RHOBTB1: variants seen among roughly 807,000 people sequenced by gnomAD.
RHOBTB1 encodes the protein rho-related BTB domain-containing protein 1.
RHOBTB1 carries 40 observed loss-of-function variants against 71.6 expected under a neutral mutation model. That is an observed-to-expected ratio of 0.56 (90% CI 0.43 to 0.73). The LOEUF is 0.73. Ranked by LOEUF, RHOBTB1 falls within the 30% of genes least tolerant of loss-of-function variation. The probability of loss-of-function intolerance (pLI) is 0.00; values close to 1 mark genes in which losing one functional copy is unlikely to be tolerated. For synonymous variants in RHOBTB1, 319 were observed against 334.9 expected (o/e 0.95, Z 0.52); for missense variants, 797 against 894.0 (o/e 0.89, Z 1.38).
intron 2 of RHOBTB1, among the ~76,000 whole-genome samples, chr10:60,936,665 C>T (rs1215874828): frequency 1.3e-5 from 2 of 152,210 alleles, no homozygotes; most frequent in East Asian, 3.8e-4. Flanking sequence ...GCAGCACTGG[C>T]ATCAATGGGG....
At chr10:60,872,552 C>T (rs375068836) in intron 9 of RHOBTB1, among the ~76,000 whole-genome samples, 15 of 151,912 alleles carry the variant, frequency 9.9e-5, no homozygotes, top group Admixed American at 3.9e-4. Context: ...AAGTATGCCT[C>T]GCCCTCCCGC....
In RHOBTB1 at chr10:60,869,499, T is replaced by G. The variant is rs1286438694; in HGVS notation, c.*1983A>C. On this transcript the variant is annotated 3_prime_UTR_variant, in exon 11 of 11. Transcript: ENST00000337910. ...ATAAAAAACACACAACAAACCACCA[T>G]GGTTAAAGGCCATAATCAGCATCAA... The G allele has an allele frequency of 2.0e-5, 3 of 152,652 alleles. No homozygotes were observed. The highest frequency in any genetic ancestry group is 2.9e-5 in the Non-Finnish European group (2 of 68,036). The allele number at this position is 152,652 out of a possible 1,614,324, so 9.5% of individuals were successfully genotyped here.
In RHOBTB1 at chr10:60,886,169, G is replaced by C. The variant is rs547856659; in HGVS notation, c.1518C>G (p.Ser506Arg). 1.9e-6 allele frequency: 3 copies of C among 1,614,058 alleles called. No homozygotes were observed. Among genetic ancestry groups the C allele is most frequent in the Non-Finnish European group, 2.5e-6 (3 of 1,179,968 alleles). The change falls in exon 7 of 11, where the codon AGC becomes AGG. Residue 506 changes from serine (S) to arginine (R), a missense_variant. By Grantham distance (110) the Ser-to-Arg change is moderately radical. Transcript: ENST00000337910. ...CGAACATGGCTGCCATCCACTCACA[G>C]CTACAGATCAGCAGCGGCTTGTGGG... is the stretch of plus-strand genomic sequence containing the variant. ...ISAHKPLLIC[S>R]CEWMAAMFGG...
chr10:60,873,724 T>TG (rs1305937991), intron 9 of RHOBTB1, among the ~76,000 whole-genome samples: 6 of 152,248 alleles, frequency 3.9e-5, no homozygotes, highest in Non-Finnish European at 8.8e-5. Flanking sequence ...CCAGTTTTGA[T>TG]GGGGGCTTGC....
At position 60,957,640 on chromosome 10, in the gene RHOBTB1, A is replaced by G. The variant is rs16915734; in HGVS notation, c.-61-15786T>C. ...AATGATATTGAAAGTGCTAAAAAGC[A>G]GATCCAAGTGAGTAAGTAGTGGTAA... On this transcript the variant is annotated intron_variant, in intron 2 of 11. Transcript: ENST00000357917. Among the ~76,000 whole-genome samples the G allele has an allele frequency of 3.9e-3, 592 of 152,324 alleles. 16 individuals carry two copies. In the East Asian group the frequency reaches 0.061, roughly 16 times the overall value.
chr10:60,898,931 A>G (rs1409228614), intron 4 of RHOBTB1, among the ~76,000 whole-genome samples: 1 of 152,200 alleles, frequency 6.6e-6, no homozygotes, highest in East Asian at 1.9e-4. Flanking sequence ...AAGGTAGATA[A>G]TATTGAAAGC....
chr10:60,940,149 T>C (rs922921560), intron 2 of RHOBTB1, among the ~76,000 whole-genome samples: 1 of 152,240 alleles, frequency 6.6e-6, no homozygotes, highest in Non-Finnish European at 1.5e-5. Flanking sequence ...CAGCTTATAA[T>C]ATCCCTTTAA....
chr10:60,932,470 G>A (rs2084312076), intron 2 of RHOBTB1, among the ~76,000 whole-genome samples: 1 of 136,424 alleles, frequency 7.3e-6, no homozygotes, highest in African/African-American at 2.7e-5. Flanking sequence ...TTTGCGATCT[G>A]CATACATTTC....
At chr10:60,975,151 T>TA (rs1287799661) in intron 2 of RHOBTB1, among the ~76,000 whole-genome samples, 1 of 152,112 alleles carries the variant, frequency 6.6e-6, no homozygotes, top group Admixed American at 6.6e-5. Flanking sequence ...AAGGTATAGA[T>TA]ATAGATATAA....
At chr10:60,946,291 A>C (rs2134333363), upstream of RHOBTB1, among the ~76,000 whole-genome samples, 1 of 152,326 alleles carries the variant, frequency 6.6e-6, no homozygotes, top group East Asian at 1.9e-4. Flanking sequence ...GGGAAAAGTT[A>C]ATTAACCCTG....
chr10:60,910,147 TA>T (rs370006154), intron 4 of RHOBTB1, among the ~76,000 whole-genome samples: 11 of 151,254 alleles, frequency 7.3e-5, no homozygotes, highest in South Asian at 2.1e-4. Flanking sequence ...AATTAAGTGG[TA>T]AAAAAAAAGT....
chr10:60,924,447 A>C (rs143825190), intron 2 of RHOBTB1, among the ~76,000 whole-genome samples: 97 of 152,336 alleles, frequency 6.4e-4, no homozygotes, highest in African/African-American at 2.1e-3. Context: ...GGGTCAATTA[A>C]GCAAGAGGAT....
At chr10:60,885,546 G>T (rs1357344310) in intron 7 of RHOBTB1, among the ~76,000 whole-genome samples, 1 of 152,166 alleles carries the variant, frequency 6.6e-6, no homozygotes, top group Non-Finnish European at 1.5e-5. Flanking sequence ...CAGAGTCAGG[G>T]CAGAGCCTTA....
chr10:60,940,055 T>G (rs2084816325), intron 2 of RHOBTB1, among the ~76,000 whole-genome samples: 1 of 152,180 alleles, frequency 6.6e-6, no homozygotes. Flanking sequence ...ATCTTCCCAA[T>G]AATAATAGTG....
chr10:60,979,427 C>A (rs1200729420), intron 2 of RHOBTB1, among the ~76,000 whole-genome samples: 1 of 152,100 alleles, frequency 6.6e-6, no homozygotes, highest in African/African-American at 2.4e-5. Context: ...TCTCGTAAGT[C>A]TAGCTGTGGG....
At chr10:60,877,456 T>A (rs561010831) in intron 8 of RHOBTB1, among the ~76,000 whole-genome samples, 3 of 152,336 alleles carry the variant, frequency 2.0e-5, no homozygotes, top group East Asian at 3.9e-4. Flanking sequence ...CAAAGTCACC[T>A]GGTCAGTAAA....
At chr10:60,885,084 G>GT (rs2081505911) in intron 7 of RHOBTB1, among the ~76,000 whole-genome samples, 1 of 152,124 alleles carries the variant, frequency 6.6e-6, no homozygotes, top group Non-Finnish European at 1.5e-5. Context: ...TAATGCACCT[G>GT]TAACTTTTTT....
intron 2 of RHOBTB1, among the ~76,000 whole-genome samples, chr10:60,923,381 A>T (rs762804726): frequency 2.0e-5 from 3 of 152,238 alleles, no homozygotes; most frequent in Non-Finnish European, 4.4e-5. Flanking sequence ...GTAGTTAATG[A>T]GACAAGATAA....
At chr10:60,936,453 C>G (rs867932260) in intron 2 of RHOBTB1, among the ~76,000 whole-genome samples, 1 of 152,114 alleles carries the variant, frequency 6.6e-6, no homozygotes, top group African/African-American at 2.4e-5. Flanking sequence ...TTACTTTTTT[C>G]CAGGAGAGCT....
Sources: allele counts gnomAD v4.1 joint callset (sites outside exome capture counted in the v4.1 genomes callset), GRCh38; gene constraint gnomAD v4.1.1; transcripts MANE v1.5; gene names NCBI Gene and HGNC (gene_info 2026-07-23, HGNC 2026-07-21).